The following PDE6B variants were observed in gnomAD, a reference collection of about 807,000 sequenced individuals.
The protein encoded by PDE6B is rod cGMP-specific 3',5'-cyclic phosphodiesterase subunit beta.
A neutral mutation model predicts 109.0 loss-of-function variants in PDE6B; 106 were observed. That is an observed-to-expected ratio of 0.97 (90% CI 0.83 to 1.14). The LOEUF (loss-of-function observed/expected upper bound fraction) is 1.14. Ranked by LOEUF, PDE6B falls within the 50% of genes most tolerant of loss-of-function variation. The pLI is 0.00. For missense variants in PDE6B, 1,193 were observed against 1,155.6 expected, an observed-to-expected ratio of 1.03 and a Z score of -0.47; for synonymous variants, 490 against 471.3, an observed-to-expected ratio of 1.04 and a Z score of -0.51.
rs9992641 is a variant in PDE6B, at chr4:653,717, A to C, written c.712-135A>C. The C allele has an allele frequency of 7.0e-6, 7 of 997,922 alleles. No individual in the cohort carries two copies. In the African/African-American group the frequency reaches 1.1e-4, roughly 16 times the overall value. 61.8% of individuals were successfully genotyped at this position (997,922 alleles called of 1,614,324 possible). Reference sequence around the variant, plus strand: ...GGAGCCACCAATCAGGGTCTGTGCCAGGCTCCACGGCTGGGCAGGTGGTCA... The same window carrying C: ...GGAGCCACCAATCAGGGTCTGTGCCCGGCTCCACGGCTGGGCAGGTGGTCA... On this transcript the variant is annotated intron_variant, in intron 3 of 21. Coordinates refer to ENST00000496514, the MANE Select transcript of PDE6B (RefSeq NM_000283.4).
chr4:658,905 C>T, intron 10 of PDE6B, 47 bp from the exon 11 acceptor site: 1 of 1,404,392 alleles, frequency 7.1e-7, no homozygotes, highest in East Asian at 2.3e-5. Flanking sequence ...GTCACCTTGT[C>T]CCACATGCGA....
chr4:657,414 C>T lies in PDE6B; in HGVS notation c.1321C>T (p.Leu441=), dbSNP rs1736413512. The change falls in exon 10 of 22, where the codon CTG becomes TTG. Residue 441 remains leucine, a synonymous_variant. Transcript: ENST00000496514. ...CGACACCTACGACAAGATGAACAAG[C>T]TGGAGAACCGCAAGGACATCGCACA... ...NTDTYDKMNK[L]ENRKDIAQDM... The T allele has an allele frequency of 6.2e-7, 1 of 1,613,092 alleles. No homozygotes were observed. The highest frequency in any genetic ancestry group is 8.5e-7 in the Non-Finnish European group (1 of 1,179,718).
chr4:654,632 T>C, intron 5 of PDE6B, 192 bp from the exon 6 acceptor site: 1 of 668,592 alleles, frequency 1.5e-6, no homozygotes, highest in South Asian at 1.7e-5. Context: ...GACATGGGTG[T>C]GAGTGCACCC....
intron 21 of PDE6B, 96 bp downstream of exon 21, chr4:668,102 G>T: frequency 7.9e-7 from 1 of 1,262,332 alleles, no homozygotes; most frequent in Non-Finnish European, 1.1e-6. Flanking sequence ...ATGGAGAAAA[G>T]CAGAGCCACT....
At chr4:629,091 G>A (rs542420609) in intron 1 of PDE6B, among the ~76,000 whole-genome samples, 3 of 152,336 alleles carry the variant, frequency 2.0e-5, no homozygotes, top group South Asian at 2.1e-4. Flanking sequence ...GAAGCCAATG[G>A]GCCAGCCGGG....
At chr4:653,596 C>A (rs919016058) in intron 3 of PDE6B, 1 of 584,272 alleles carries the variant, frequency 1.7e-6, no homozygotes, top group Non-Finnish European at 3.1e-6. Flanking sequence ...ACTTTCCACT[C>A]GTCCACTCCT....
At chr4:637,766 G>A (rs28862677) in intron 3 of PDE6B, among the ~76,000 whole-genome samples, 3,614 of 152,318 alleles carry the variant, frequency 0.024, 142 homozygotes, top group African/African-American at 0.083. Context: ...AGCTGCAAAT[G>A]TTCCTGCACG....
chr4:664,248 G>A (rs550737951), intron 17 of PDE6B, 27 bp downstream of exon 17: 2 of 1,273,822 alleles, frequency 1.6e-6, no homozygotes, highest in African/African-American at 1.5e-5. Flanking sequence ...GGGGCACGAG[G>A]GGTCCTTCCC....
At chr4:627,353 T>G (rs1188993830) in intron 1 of PDE6B, among the ~76,000 whole-genome samples, 1 of 151,578 alleles carries the variant, frequency 6.6e-6, no homozygotes, top group Non-Finnish European at 1.5e-5. Flanking sequence ...GTCATGTTGG[T>G]CAGGCTGTTC....
chr4:667,988 A>G lies in PDE6B; in HGVS notation c.2485A>G (p.Arg829Gly). The change falls in exon 21 of 22, where the codon AGG becomes GGG. Residue 829 changes from arginine (R) to glycine (G), a missense_variant. Coordinates refer to ENST00000496514, the MANE Select transcript of PDE6B (RefSeq NM_000283.4). ...KALEEKEEEE[R>G]VAAKKVGTEI... ...TCTGGAGGAGAAGGAGGAGGAGGAG[A>G]GGGTGGCAGCCAAGAAAGGTCTGGC... is the stretch of plus-strand genomic sequence containing the variant. 1 of 1,612,210 alleles carries G rather than the reference A, an allele frequency of 6.2e-7. No individual in the cohort carries two copies. Among genetic ancestry groups the G allele is most frequent in the Admixed American group, 1.7e-5 (1 of 59,994 alleles).
At chr4:628,696 C>T (rs1206227748) in intron 1 of PDE6B, among the ~76,000 whole-genome samples, 2 of 152,186 alleles carry the variant, frequency 1.3e-5, no homozygotes, top group Admixed American at 1.3e-4. Context: ...CCTCCTGTCC[C>T]CAGGGGTCTG....
At position 625,677 on chromosome 4, in the gene PDE6B, T is replaced by C; in HGVS notation, c.51T>C (p.Asp17=). 1 of 1,613,888 alleles carries C rather than the reference T, an allele frequency of 6.2e-7. No homozygotes were observed. Among genetic ancestry groups the C allele is most frequent in the Non-Finnish European group, 8.5e-7 (1 of 1,179,976 alleles). Residue 17 remains aspartate (D), a synonymous_variant, in exon 1 of 22, where the codon GAT becomes GAC. Coordinates refer to ENST00000496514, the MANE Select transcript of PDE6B (RefSeq NM_000283.4). This position sits in a 1 kb window ranked among gnomAD's most constrained non-coding sequence, Gnocchi z 5.0. ...QARSFLDQNP[D]FARQYFGKKL... is the part of the protein sequence containing the mutation. ...GGAGCTTTCTGGACCAGAACCCCGA[T>C]TTTGCCCGCCAGTACTTTGGGAAGA...
At position 625,575 on chromosome 4, in the gene PDE6B, G is replaced by A. The variant is rs368546142; in HGVS notation, c.-52G>A. The A allele has an allele frequency of 5.8e-5, 75 of 1,295,380 alleles. No homozygotes were observed. Among genetic ancestry groups the A allele is most frequent in the Non-Finnish European group, 7.4e-5 (66 of 889,534 alleles). The allele number at this position is 1,295,380 out of a possible 1,614,324, so 80.2% of individuals were successfully genotyped here. A position where few individuals can be genotyped will look rare whatever the true frequency, so the allele number is the denominator to read the frequency against. On this transcript the variant is annotated 5_prime_UTR_variant, in exon 1 of 22. Transcript: ENST00000496514. This position sits in a 1 kb window ranked among gnomAD's most constrained non-coding sequence, Gnocchi z 5.0. ...GACTTTGCTGATGACAGGGTTTCCT[G>A]GGAGTCCATGCGTGCCTGGAGCAGC...
At chr4:637,882 T>C (rs1734769160) in intron 3 of PDE6B, among the ~76,000 whole-genome samples, 1 of 152,248 alleles carries the variant, frequency 6.6e-6, no homozygotes, top group Non-Finnish European at 1.5e-5. Context: ...AACAGTGGGA[T>C]GCCTGGGAGC....
chr4:654,405 TG>T (rs1560119244), intron 5 of PDE6B: 1 of 638,078 alleles, frequency 1.6e-6, no homozygotes, highest in Non-Finnish European at 2.9e-6. Flanking sequence ...GCTCTGATTG[TG>T]GGGGCTCCTG....
intron 3 of PDE6B, among the ~76,000 whole-genome samples, chr4:645,104 A>G (rs1735135144): frequency 6.6e-6 from 1 of 152,084 alleles, no homozygotes; most frequent in Admixed American, 6.5e-5. Flanking sequence ...TGTCTAAATT[A>G]ATATAGCTAC....
intron 12 of PDE6B, chr4:661,925 C>A: frequency 1.6e-6 from 1 of 608,830 alleles, no homozygotes. Context: ...CTGGCTCCAC[C>A]CCATAGGTGC....
chr4:659,008 C>A lies in PDE6B; in HGVS notation c.1458C>A (p.Gly486=). 2.5e-6 allele frequency: 4 copies of A among 1,612,734 alleles called. No individual in the cohort carries two copies. Among genetic ancestry groups the A allele is most frequent in the Non-Finnish European group, 3.4e-6 (4 of 1,179,098 alleles). The part of the protein sequence containing the change: ...EPADCDEDEL[G]EILKEELPGP... ...CTGACTGCGATGAGGACGAGCTGGG[C>A]GAAATCCTGGTAAGAACCTTGCTCC... The change falls in exon 11 of 22, where the codon GGC becomes GGA. Residue 486 remains glycine, a synonymous_variant. Coordinates refer to ENST00000496514, the MANE Select transcript of PDE6B (RefSeq NM_000283.4).
intron 21 of PDE6B, among the ~76,000 whole-genome samples, chr4:669,236 T>C (rs75179046): frequency 1 from 52,913 of 53,038 alleles, 26,398 homozygotes; most frequent in Middle Eastern, 1. Context: ...TCCCCTACCC[T>C]ATGCTGCTCC....
Sources: allele counts gnomAD v4.1 joint callset (sites outside exome capture counted in the v4.1 genomes callset), GRCh38; gene constraint gnomAD v4.1.1; non-coding constraint Gnocchi (gnomAD v3.1); transcripts MANE v1.5; gene names NCBI Gene and HGNC (gene_info 2026-07-23, HGNC 2026-07-21).